The following ZNF385D variants were observed in gnomAD, a reference collection of about 807,000 sequenced individuals.
ZNF385D encodes the protein zinc finger protein 385D.
A neutral mutation model predicts 35.8 loss-of-function variants in ZNF385D; 15 were observed. The ratio of observed to expected loss-of-function variants is 0.42; its 90% CI spans 0.28 to 0.64. The LOEUF (loss-of-function observed/expected upper bound fraction) is 0.64. Among genes scored for constraint, ZNF385D ranks in the 30% least tolerant of loss-of-function variants. The pLI is 0.23. For synonymous variants in ZNF385D, 212 were observed against 186.8 expected (o/e 1.13, Z -1.10); for missense variants, 474 against 494.6 (o/e 0.96, Z 0.39).
In ZNF385D at chr3:21,630,435, C is replaced by A. The variant is rs1207300181; in HGVS notation, c.165+34451G>T. 2.0e-5 allele frequency among the ~76,000 whole-genome samples: 3 copies of A among 152,150 alleles called. No individual in the cohort carries two copies. In the East Asian group the frequency reaches 5.8e-4, roughly 30 times the overall value. On this transcript the variant is annotated intron_variant, in intron 2 of 7. Transcript: ENST00000281523. ...GGTCAGGCTGGTCTTGAACTCCTGA[C>A]CTCAGGTGATCTGCCCGCTTCAACC... is the stretch of plus-strand genomic sequence containing the variant.
At chr3:21,673,917 T>A (rs17553820) in intron 1 of ZNF385D, among the ~76,000 whole-genome samples, 64,153 of 151,998 alleles carry the variant, frequency 0.42, 14,961 homozygotes, top group Middle Eastern at 0.54. Flanking sequence ...AGCTAATGTA[T>A]GCAGTTAAAC....
intron 2 of ZNF385D, among the ~76,000 whole-genome samples, chr3:22,343,338 C>A (rs1376788305): frequency 6.6e-6 from 1 of 152,174 alleles, no homozygotes; most frequent in East Asian, 1.9e-4. Flanking sequence ...ACTGTGGAAG[C>A]CAAAGGTGTC....
At chr3:21,507,991 T>C (rs1187356890) in intron 4 of ZNF385D, among the ~76,000 whole-genome samples, 4 of 152,162 alleles carry the variant, frequency 2.6e-5, no homozygotes, top group Non-Finnish European at 4.4e-5. Flanking sequence ...TCTCAACCTA[T>C]ATAACTTGCT....
At chr3:22,151,042 C>G (rs1225698918) in intron 3 of ZNF385D, among the ~76,000 whole-genome samples, 4 of 152,218 alleles carry the variant, frequency 2.6e-5, no homozygotes, top group African/African-American at 9.6e-5. Flanking sequence ...ATAAAATCTT[C>G]TTTTTTAGAT....
intron 3 of ZNF385D, among the ~76,000 whole-genome samples, chr3:21,880,917 A>G (rs965573425): frequency 6.6e-6 from 1 of 151,998 alleles, no homozygotes; most frequent in Non-Finnish European, 1.5e-5. Flanking sequence ...AAGCCACACC[A>G]TTTCCTTAAA....
At chr3:22,292,568 G>C (rs1201335792) in intron 2 of ZNF385D, among the ~76,000 whole-genome samples, 2 of 152,000 alleles carry the variant, frequency 1.3e-5, no homozygotes, top group Admixed American at 1.3e-4. Context: ...GCCCAGATAA[G>C]TTTCAAAATG....
At chr3:21,583,298 G>T (rs2063718625) in intron 2 of ZNF385D, among the ~76,000 whole-genome samples, 2 of 152,148 alleles carry the variant, frequency 1.3e-5, no homozygotes, top group Non-Finnish European at 2.9e-5. Context: ...GATTTAAGAG[G>T]TTATTTTGTT....
At chr3:21,720,549 G>C (rs1443241512) in intron 1 of ZNF385D, among the ~76,000 whole-genome samples, 1 of 152,062 alleles carries the variant, frequency 6.6e-6, no homozygotes, top group African/African-American at 2.4e-5. Flanking sequence ...ACAAGACCCT[G>C]TCTCAAAAAA....
At chr3:21,997,445 A>C (rs1224066047) in intron 3 of ZNF385D, among the ~76,000 whole-genome samples, 1 of 152,078 alleles carries the variant, frequency 6.6e-6, no homozygotes, top group Non-Finnish European at 1.5e-5. Flanking sequence ...ACATGTATAC[A>C]TATGTAACAA....
Position 22,094,088 on chromosome 3 carries a change from G to T in ZNF385D, c.325+74729C>A, listed in dbSNP as rs186754646. Among the ~76,000 whole-genome samples, 324 of 152,084 alleles carry T rather than the reference G, an allele frequency of 2.1e-3. 1 individual carries two copies. The highest frequency in any genetic ancestry group is 7.5e-3 in the African/African-American group (313 of 41,504). On this transcript the variant is annotated intron_variant, in intron 3 of 5. Transcript: ENST00000494108. ...ATATTTTTAATAAAAGGCTATTGCTGTTGAATTCTCTAAGTTATTTCATGT... is the reference window on the plus strand; with the variant it reads ...ATATTTTTAATAAAAGGCTATTGCTTTTGAATTCTCTAAGTTATTTCATGT...
At chr3:22,150,455 T>C (rs560060601) in intron 3 of ZNF385D, among the ~76,000 whole-genome samples, 2 of 152,028 alleles carry the variant, frequency 1.3e-5, no homozygotes, top group South Asian at 4.1e-4. Flanking sequence ...GATATAAAAA[T>C]AGGCCAAAAA....
intron 3 of ZNF385D, among the ~76,000 whole-genome samples, chr3:21,838,415 C>T (rs1490453587): frequency 2.6e-5 from 4 of 152,082 alleles, no homozygotes; most frequent in Admixed American, 1.3e-4. Context: ...CAGCACTTCT[C>T]ATAATGAATT....
intron 1 of ZNF385D, among the ~76,000 whole-genome samples, chr3:21,736,920 C>G (rs1456962201): frequency 6.6e-6 from 1 of 152,122 alleles, no homozygotes; most frequent in Non-Finnish European, 1.5e-5. Flanking sequence ...ATTAAATATG[C>G]CTTTTCCCAG....
chr3:22,139,188 A>C (rs1576386396), intron 3 of ZNF385D, among the ~76,000 whole-genome samples: 1 of 152,122 alleles, frequency 6.6e-6, no homozygotes, highest in Non-Finnish European at 1.5e-5. Flanking sequence ...TAGTTCAACC[A>C]TTGTGGAAGT....
chr3:21,759,391 A>AGGGGGGAGGGATAGCATTGGGAG, intron 3 of ZNF385D, among the ~76,000 whole-genome samples: 2 of 147,536 alleles, frequency 1.4e-5, no homozygotes, highest in African/African-American at 5.4e-5. Context: ...ATCTTCAAGC[A>AGGGGGGAGGGATAGCATTGGGAG]ATGTAAGGTT....
chr3:22,343,139 T>C (rs1286028421), intron 2 of ZNF385D, among the ~76,000 whole-genome samples: 1 of 152,256 alleles, frequency 6.6e-6, no homozygotes, highest in Non-Finnish European at 1.5e-5. Context: ...CTTTTTAAAG[T>C]GTAGTTACTA....
chr3:21,554,901 G>T (rs931434779), intron 3 of ZNF385D, among the ~76,000 whole-genome samples: 5 of 152,096 alleles, frequency 3.3e-5, no homozygotes, highest in Non-Finnish European at 7.4e-5. Flanking sequence ...TCTGGATTAG[G>T]CTCTGATTTA....
In ZNF385D at chr3:22,123,682, A is replaced by T. The variant is rs141230623; in HGVS notation, c.325+45135T>A. ...CAAGACCAGCCTGGCCAACATAGTG[A>T]AACCCCATCTCTACTAAAAAGTACA... On this transcript the variant is annotated intron_variant, in intron 3 of 5. Coordinates refer to the ZNF385D transcript ENST00000494108. 1.4e-4 allele frequency among the ~76,000 whole-genome samples: 21 copies of T among 152,284 alleles called. 1 individual carries two copies. In the East Asian group the frequency reaches 4.1e-3, roughly 29 times the overall value.
intron 2 of ZNF385D, among the ~76,000 whole-genome samples, chr3:22,173,383 G>A (rs6787127): frequency 0.027 from 4,179 of 152,138 alleles, 189 homozygotes; most frequent in African/African-American, 0.095. Flanking sequence ...AAAAGATATC[G>A]ACAATAGAGA....
Sources: gnomAD v4.1 joint callset for allele counts (sites outside exome capture counted in the v4.1 genomes callset) on GRCh38, gnomAD v4.1.1 for gene constraint, MANE v1.5 for transcripts, NCBI Gene and HGNC (gene_info 2026-07-23, HGNC 2026-07-21) for gene names.